DNAJC13: variants seen among roughly 807,000 people sequenced by gnomAD.
DNAJC13 encodes DnaJ heat shock protein family (Hsp40) member C13, also known as dnaJ homolog subfamily C member 13.
DNAJC13 carries 75 observed loss-of-function variants against 290.5 expected under a neutral mutation model. The observed-to-expected ratio is 0.26, with a 90% CI of 0.21 to 0.31. DNAJC13 has a LOEUF of 0.31. Among genes scored for constraint, DNAJC13 ranks in the 10% least tolerant of loss-of-function variants. The pLI is 1.00. For missense variants in DNAJC13, 2,260 were observed against 2,674.5 expected, an observed-to-expected ratio of 0.85 and a Z score of 3.42; for synonymous variants, 862 against 892.0, an observed-to-expected ratio of 0.97 and a Z score of 0.60.
At chr3:132,425,169 A>G (rs892449163) in intron 1 of DNAJC13, among the ~76,000 whole-genome samples, 1 of 152,150 alleles carries the variant, frequency 6.6e-6, no homozygotes, top group Admixed American at 6.5e-5. Context: ...TATTACTCTT[A>G]TTAGTTATTT....
chr3:132,519,928 A>G (rs1158029657), intron 48 of DNAJC13, among the ~76,000 whole-genome samples: 1 of 152,162 alleles, frequency 6.6e-6, no homozygotes, highest in Non-Finnish European at 1.5e-5. Context: ...TGGAAGGTGA[A>G]AGCCATGTCT....
At chr3:132,461,918 C>T (rs1005540944) in intron 15 of DNAJC13, among the ~76,000 whole-genome samples, 5 of 151,952 alleles carry the variant, frequency 3.3e-5, no homozygotes, top group Non-Finnish European at 5.9e-5. Flanking sequence ...TTCTCATGCC[C>T]CTGAGCTTAA....
intron 1 of DNAJC13, among the ~76,000 whole-genome samples, chr3:132,425,463 A>G (rs1315203182): frequency 6.6e-6 from 1 of 152,206 alleles, no homozygotes; most frequent in Non-Finnish European, 1.5e-5. Context: ...AGGTTTTTAC[A>G]TTAACATTTT....
At chr3:132,474,773 C>T (rs1934406324) in intron 21 of DNAJC13, among the ~76,000 whole-genome samples, 159 bp from the exon 22 acceptor site, 1 of 145,518 alleles carries the variant, frequency 6.9e-6, no homozygotes, top group African/African-American at 2.5e-5. Flanking sequence ...ACTTCCTTTA[C>T]ACAGATTTTA....
chr3:132,499,431 A>G (rs1935343205), intron 37 of DNAJC13, 121 bp downstream of exon 37: 2 of 867,390 alleles, frequency 2.3e-6, no homozygotes, highest in Admixed American at 3.0e-5. Context: ...AGATAACACA[A>G]TATTTTCCAT....
intron 20 of DNAJC13, among the ~76,000 whole-genome samples, chr3:132,469,194 G>C (rs930217024): frequency 2.6e-5 from 4 of 152,166 alleles, no homozygotes; most frequent in African/African-American, 9.7e-5. Flanking sequence ...TTTCTTTAGG[G>C]AACAGCAAAT....
intron 1 of DNAJC13, among the ~76,000 whole-genome samples, chr3:132,427,553 T>C (rs1199623180): frequency 1.3e-5 from 2 of 152,314 alleles, no homozygotes; most frequent in Middle Eastern, 3.4e-3. Flanking sequence ...TTAAGAAATA[T>C]ATATTGTTAT....
rs769834692 is a variant in DNAJC13, at chr3:132,538,220, G to C, written c.6670G>C (p.Val2224Leu). The C allele has an allele frequency of 4.3e-6, 7 of 1,613,806 alleles. No individual in the cohort carries two copies. In the African/African-American group the frequency reaches 9.3e-5, roughly 22 times the overall value. The change falls in exon 56 of 56, where the codon GTC becomes CTC. Residue 2224 changes from valine to leucine, a missense_variant. Physicochemically the swap from Val to Leu is conservative, Grantham distance 32. Around this residue, in one of 3 missense-constraint regions of DNAJC13, gnomAD observed 1,494 missense variants for 1,693.7 expected, o/e 0.88. Transcript: ENST00000260818. ...CCTTACCGCAGGTACATCTACATCAGTCATGTCTAACCTGCCACCTCCTGT... is the reference window on the plus strand; with the variant it reads ...CCTTACCGCAGGTACATCTACATCACTCATGTCTAACCTGCCACCTCCTGT... ...GYLTAGTSTS[V>L]MSNLPPPVDH...
chr3:132,427,819 T>C (rs1939138543), intron 1 of DNAJC13, among the ~76,000 whole-genome samples: 1 of 149,752 alleles, frequency 6.7e-6, no homozygotes, highest in Non-Finnish European at 1.5e-5. Flanking sequence ...TTATCTCATT[T>C]AGTCCTCACC....
At chr3:132,532,729 CTTA>C (rs1936453059) in intron 55 of DNAJC13, among the ~76,000 whole-genome samples, 1 of 151,466 alleles carries the variant, frequency 6.6e-6, no homozygotes, top group Non-Finnish European at 1.5e-5. Context: ...AAAAATCTGC[CTTA>C]TTTTTATTTT....
rs369542142 is a variant in DNAJC13, at chr3:132,471,566, T to C, written c.2209-1579T>C. On this transcript the variant is annotated intron_variant, in intron 20 of 55. Coordinates refer to ENST00000260818, the MANE Select transcript of DNAJC13 (RefSeq NM_015268.4). ...GCAGAGACGCTCCTCACCTCCCAGATGGGGTCTCGGCCGGGCAGAGGCACT... is the reference window on the plus strand; with the variant it reads ...GCAGAGACGCTCCTCACCTCCCAGACGGGGTCTCGGCCGGGCAGAGGCACT... Among the ~76,000 whole-genome samples the C allele has an allele frequency of 8.1e-3, 1,009 of 123,830 alleles. 6 individuals carry two copies. The highest frequency in any genetic ancestry group is 0.028 in the African/African-American group (834 of 29,666). The allele number at this position is 123,830 out of a possible 152,430, so 81.2% of individuals were successfully genotyped here.
At chr3:132,503,499 TTC>T in intron 41 of DNAJC13, 118 bp downstream of exon 41, 3 of 1,210,782 alleles carry the variant, frequency 2.5e-6, no homozygotes, top group Non-Finnish European at 3.5e-6. Context: ...CACATGTTTG[TTC>T]TCTCAAGCAA....
Position 132,460,341 on chromosome 3 carries a change from A to C in DNAJC13, c.1541A>C (p.Lys514Thr). ...SKKFLENLLEKFNSHVDHGTG... is the reference protein window; with the variant it reads ...SKKFLENLLETFNSHVDHGTG... ...AAGTTTCTGGAAAACTTACTGGAGA[A>C]ATTTAATTCCCATGTGGTAAGTTAT... The change falls in exon 14 of 56, where the codon AAA becomes ACA. Residue 514 changes from lysine to threonine, a missense_variant. Physicochemically the swap from Lys to Thr is moderately conservative, Grantham distance 78. Around this residue, in one of 3 missense-constraint regions of DNAJC13, gnomAD observed 762 missense variants for 964.1 expected, o/e 0.79. Coordinates refer to ENST00000260818, the MANE Select transcript of DNAJC13 (RefSeq NM_015268.4). 6.2e-7 allele frequency: 1 copy of C among 1,606,072 alleles called. No homozygotes were observed. The highest frequency in any genetic ancestry group is 1.1e-5 in the South Asian group (1 of 90,812).
At chr3:132,477,715 A>C in intron 22 of DNAJC13, 74 bp from the exon 23 acceptor site, 1 of 1,042,030 alleles carries the variant, frequency 9.6e-7, no homozygotes, top group South Asian at 1.5e-5. Flanking sequence ...AGAAAGAACT[A>C]TAAGAAACAA....
chr3:132,492,478 A>G lies in DNAJC13; in HGVS notation c.3688A>G (p.Thr1230Ala). 1 of 1,613,930 alleles carries G rather than the reference A, an allele frequency of 6.2e-7. No homozygotes were observed. The change falls in exon 33 of 56, where the codon ACA becomes GCA. Residue 1230 changes from threonine (T) to alanine (A), a missense_variant. By Grantham distance (58) the Thr-to-Ala change is moderately conservative. Around this residue, in one of 3 missense-constraint regions of DNAJC13, gnomAD observed 1,494 missense variants for 1,693.7 expected, o/e 0.88. Coordinates refer to ENST00000260818, the MANE Select transcript of DNAJC13 (RefSeq NM_015268.4). ...ADFTPRLQSN[T>A]RALYQYCPIP... ...TTTCACACCTCGTCTTCAGAGTAAC[A>G]CAAGAGCACTTTATCAGTATTGCCC...
intron 33 of DNAJC13, among the ~76,000 whole-genome samples, chr3:132,493,228 C>A: frequency 6.6e-6 from 1 of 151,930 alleles, no homozygotes; most frequent in East Asian, 1.9e-4. Flanking sequence ...CCCTTGGGAC[C>A]CCCCTAACCT....
In DNAJC13 at chr3:132,494,300, T is replaced by G. The variant is rs754082833; in HGVS notation, c.3941+41T>G. The stretch of plus-strand genomic sequence containing the variant: ...TACAATAGCAAATGTCTGTCCCACC[T>G]TAAAGTACCAGTATCAAAGACTAAG... On this transcript the variant is annotated intron_variant, in intron 34 of 55. Transcript: ENST00000260818. 6 of 1,415,418 alleles carry G rather than the reference T, an allele frequency of 4.2e-6. No individual in the cohort carries two copies. The East Asian group carries it at 1.4e-4, about 32-fold the overall frequency. 87.7% of individuals were successfully genotyped at this position (1,415,418 alleles called of 1,614,324 possible).
chr3:132,437,126 G>A (rs1043630032), intron 2 of DNAJC13, among the ~76,000 whole-genome samples: 7 of 151,974 alleles, frequency 4.6e-5, no homozygotes, highest in East Asian at 1.9e-4. Flanking sequence ...TAATCCGCCC[G>A]CCTCAGCCTC....
chr3:132,453,223 T>C (rs1271728769), intron 6 of DNAJC13, 75 bp from the exon 7 acceptor site: 1 of 1,366,116 alleles, frequency 7.3e-7, no homozygotes, highest in Non-Finnish European at 1.0e-6. Flanking sequence ...TTAATACCTT[T>C]CCTATGAGTT....
Sources: allele counts gnomAD v4.1 joint callset (sites outside exome capture counted in the v4.1 genomes callset), GRCh38; gene constraint gnomAD v4.1.1; regional missense constraint gnomAD v4.1.1; transcripts MANE v1.5; gene names NCBI Gene and HGNC (gene_info 2026-07-23, HGNC 2026-07-21).